The following NRG1 variants were observed in gnomAD, a reference collection of about 807,000 sequenced individuals.
NRG1 encodes the protein pro-neuregulin-1, membrane-bound isoform.
NRG1 carries 18 observed loss-of-function variants against 63.8 expected under a neutral mutation model. That is an observed-to-expected ratio of 0.28 (90% CI 0.19 to 0.42). The LOEUF is 0.42. Among genes scored for constraint, NRG1 ranks in the 10% least tolerant of loss-of-function variants. The pLI, the probability that NRG1 is intolerant of heterozygous loss-of-function variation, is 1.00. For missense variants in NRG1, 762 were observed against 814.7 expected, an observed-to-expected ratio of 0.94 and a Z score of 0.79; for synonymous variants, 302 against 301.3, an observed-to-expected ratio of 1.00 and a Z score of -0.02.
At chr8:32,554,330 A>G (rs1463448611) in intron 1 of NRG1, among the ~76,000 whole-genome samples, 2 of 152,332 alleles carry the variant, frequency 1.3e-5, no homozygotes, top group East Asian at 1.9e-4. Flanking sequence ...GGGTTAAAAA[A>G]AAAAGCGAGC....
intron 1 of NRG1, among the ~76,000 whole-genome samples, chr8:31,688,338 G>C (rs962635086): frequency 1.3e-5 from 2 of 152,160 alleles, no homozygotes; most frequent in African/African-American, 4.8e-5. Flanking sequence ...AACGGAGCTT[G>C]TTTGTCCCTT....
At chr8:31,781,044 C>A (rs1819633690) in intron 1 of NRG1, among the ~76,000 whole-genome samples, 1 of 152,174 alleles carries the variant, frequency 6.6e-6, no homozygotes, top group East Asian at 1.9e-4. Context: ...AAGTGGATAA[C>A]AGCCTCCATT....
At chr8:31,976,858 A>G (rs1475621993) in intron 1 of NRG1, among the ~76,000 whole-genome samples, 2 of 152,172 alleles carry the variant, frequency 1.3e-5, no homozygotes, top group African/African-American at 4.8e-5. Flanking sequence ...AATTACTGGA[A>G]ATATATATCA....
At chr8:31,730,683 T>TG (rs1173117736) in intron 1 of NRG1, among the ~76,000 whole-genome samples, 4 of 152,096 alleles carry the variant, frequency 2.6e-5, no homozygotes, top group African/African-American at 9.7e-5. Flanking sequence ...TTTATACTCT[T>TG]GCAGTAGGGA....
intron 1 of NRG1, among the ~76,000 whole-genome samples, chr8:32,259,303 C>A (rs1222295979): frequency 6.6e-6 from 1 of 152,138 alleles, no homozygotes; most frequent in East Asian, 1.9e-4. Context: ...GAGGGCTCTG[C>A]CTTCATAAAT....
chr8:32,243,768 G>T (rs1213186473), intron 1 of NRG1, among the ~76,000 whole-genome samples: 1 of 152,108 alleles, frequency 6.6e-6, no homozygotes, highest in Non-Finnish European at 1.5e-5. Context: ...AGGTTTAGAT[G>T]AGGTCAGGAG....
intron 1 of NRG1, among the ~76,000 whole-genome samples, chr8:32,551,441 T>A (rs1834088364): frequency 6.6e-6 from 1 of 152,116 alleles, no homozygotes; most frequent in South Asian, 2.1e-4. Context: ...AGGGGAGAGA[T>A]AATGGGGTGG....
intron 1 of NRG1, among the ~76,000 whole-genome samples, chr8:31,928,587 A>G (rs1166291141): frequency 6.6e-6 from 1 of 151,916 alleles, no homozygotes; most frequent in Non-Finnish European, 1.5e-5. Flanking sequence ...TGATGAGTGG[A>G]TAAAGAAAAT....
intron 1 of NRG1, among the ~76,000 whole-genome samples, chr8:32,349,317 A>G (rs1310040915): frequency 6.6e-6 from 1 of 152,326 alleles, no homozygotes; most frequent in East Asian, 1.9e-4. Flanking sequence ...ATAGTCCTCT[A>G]TCTTTAAGGA....
upstream of NRG1, among the ~76,000 whole-genome samples, chr8:32,545,106 T>G (rs796769190): frequency 3.9e-5 from 6 of 152,348 alleles, no homozygotes; most frequent in African/African-American, 1.4e-4. Context: ...TAGTCTTCTT[T>G]AATTTTTCCA....
At chr8:32,134,227 C>T (rs2131659171) in intron 1 of NRG1, among the ~76,000 whole-genome samples, 1 of 152,168 alleles carries the variant, frequency 6.6e-6, no homozygotes, top group South Asian at 2.1e-4. Flanking sequence ...TTTAAGGCAG[C>T]AAAGTCACGC....
chr8:32,270,126 T>G (rs1242167748), intron 1 of NRG1, among the ~76,000 whole-genome samples: 1 of 152,190 alleles, frequency 6.6e-6, no homozygotes, highest in African/African-American at 2.4e-5. Flanking sequence ...TAATATGCTG[T>G]GAAGGCATCA....
intron 8 of NRG1, among the ~76,000 whole-genome samples, chr8:32,755,361 T>A (rs1829484919): frequency 6.6e-6 from 1 of 152,220 alleles, no homozygotes. Flanking sequence ...TGGGAATATT[T>A]CATAATCTGA....
chr8:32,025,870 C>A (rs1480683870), intron 1 of NRG1, among the ~76,000 whole-genome samples: 1 of 147,452 alleles, frequency 6.8e-6, no homozygotes, highest in Non-Finnish European at 1.5e-5. Flanking sequence ...GGCGTGAACC[C>A]GGGAGGCGGA....
chr8:32,482,178 C>T (rs1005016404), intron 1 of NRG1, among the ~76,000 whole-genome samples: 9 of 151,796 alleles, frequency 5.9e-5, no homozygotes, highest in Non-Finnish European at 1.0e-4. Flanking sequence ...TATGCATAAT[C>T]GTTGTTGTGC....
chr8:32,491,690 T>A (rs757133617), intron 1 of NRG1, among the ~76,000 whole-genome samples: 1 of 152,214 alleles, frequency 6.6e-6, no homozygotes, highest in Non-Finnish European at 1.5e-5. Flanking sequence ...TCCAAGAATG[T>A]CTCTGGGAAT....
intron 1 of NRG1, among the ~76,000 whole-genome samples, chr8:32,200,006 T>C: frequency 6.6e-6 from 1 of 152,192 alleles, no homozygotes; most frequent in East Asian, 1.9e-4. Flanking sequence ...CTCAAACTCC[T>C]GACCTCAGAT....
intron 1 of NRG1, among the ~76,000 whole-genome samples, chr8:32,215,896 G>T (rs1845173274): frequency 6.6e-6 from 1 of 151,824 alleles, no homozygotes; most frequent in Non-Finnish European, 1.5e-5. Flanking sequence ...ACAAAAACTA[G>T]CCAGGCTGGT....
chr8:31,759,841 T>C (rs1253948459), intron 1 of NRG1, among the ~76,000 whole-genome samples: 1 of 152,086 alleles, frequency 6.6e-6, no homozygotes, highest in Non-Finnish European at 1.5e-5. Flanking sequence ...AACCCGTGAG[T>C]CTATTATCTC....
Sources: allele counts gnomAD v4.1 joint callset (sites outside exome capture counted in the v4.1 genomes callset), GRCh38; gene constraint gnomAD v4.1.1; transcripts MANE v1.5; gene names NCBI Gene and HGNC (gene_info 2026-07-23, HGNC 2026-07-21).